The following LCORL variants were observed in gnomAD, a reference collection of about 807,000 sequenced individuals.
LCORL encodes the protein ligand-dependent nuclear receptor corepressor-like protein.
Under a neutral mutation model 141.8 loss-of-function variants are expected in LCORL, and 41 were observed. The ratio of observed to expected loss-of-function variants is 0.29; its 90% CI spans 0.23 to 0.38. The LOEUF (loss-of-function observed/expected upper bound fraction) is 0.38. Ranked by LOEUF, LCORL falls within the 10% of genes least tolerant of loss-of-function variation. The probability of loss-of-function intolerance (pLI) is 1.00; values close to 1 mark genes in which losing one functional copy is unlikely to be tolerated. For synonymous variants in LCORL, 618 were observed against 694.1 expected (o/e 0.89, Z 1.72); for missense variants, 1,759 against 2,035.0 (o/e 0.86, Z 2.61).
intron 5 of LCORL, among the ~76,000 whole-genome samples, chr4:17,899,849 A>G (rs961250926): frequency 2.0e-5 from 3 of 152,196 alleles, no homozygotes; most frequent in Admixed American, 2.0e-4. Flanking sequence ...TTAAAATATT[A>G]TATAAAATTA....
chr4:17,931,858 T>C (rs1310134790), intron 4 of LCORL, among the ~76,000 whole-genome samples: 2 of 152,176 alleles, frequency 1.3e-5, no homozygotes, highest in Non-Finnish European at 2.9e-5. Flanking sequence ...CCTTACTTAC[T>C]TTAGATTCAC....
Position 17,884,869 on chromosome 4 carries a change from T to C in LCORL, c.776+1199A>G. On this transcript the variant is annotated intron_variant, in intron 6 of 7. Coordinates refer to ENST00000635767, the Ensembl canonical transcript of LCORL. This position sits in a 1 kb window ranked among gnomAD's most constrained non-coding sequence, Gnocchi z 4.4. Reference sequence around the variant, plus strand: ...CTTGCTTAGGTAACATCACTGCTTATGACACTTTTAAGTCTGTGAGATGTA... The same window carrying C: ...CTTGCTTAGGTAACATCACTGCTTACGACACTTTTAAGTCTGTGAGATGTA... 1 of 505,614 alleles carries C rather than the reference T, an allele frequency of 2.0e-6. No homozygotes were observed. The highest frequency in any genetic ancestry group is 3.4e-6 in the Non-Finnish European group (1 of 292,456). The allele number at this position is 505,614 out of a possible 1,614,324, so 31.3% of individuals were successfully genotyped here. A position where few individuals can be genotyped will look rare whatever the true frequency, so the allele number is the denominator to read the frequency against.
At position 17,986,107 on chromosome 4, in the gene LCORL, T is replaced by C. The variant is rs1464229868; in HGVS notation, c.155-13222A>G. ...TAAGCTCCGAATCTCTTCTGGCTTGTAGGGTTTCTGCTGAGAGGTCTGCTA... is the reference window on the plus strand; with the variant it reads ...TAAGCTCCGAATCTCTTCTGGCTTGCAGGGTTTCTGCTGAGAGGTCTGCTA... On this transcript the variant is annotated intron_variant, in intron 1 of 7. Coordinates refer to ENST00000635767, the Ensembl canonical transcript of LCORL. Among the ~76,000 whole-genome samples the C allele has an allele frequency of 2.6e-5, 4 of 152,232 alleles. No individual in the cohort carries two copies. The East Asian group carries it at 7.7e-4, about 29-fold the overall frequency.
chr4:17,852,328 G>C (rs540902419), intron 7 of LCORL, among the ~76,000 whole-genome samples: 2 of 151,844 alleles, frequency 1.3e-5, no homozygotes, highest in South Asian at 4.2e-4. Context: ...CTCAATTTCT[G>C]ACAATAATCA....
chr4:17,931,575 A>C (rs924416964), intron 4 of LCORL, among the ~76,000 whole-genome samples: 1 of 151,908 alleles, frequency 6.6e-6, no homozygotes, highest in Non-Finnish European at 1.5e-5. Context: ...TATACACCTA[A>C]AGTTGTTTAA....
chr4:17,944,364 T>C (rs1178154726), intron 4 of LCORL, among the ~76,000 whole-genome samples: 2 of 152,218 alleles, frequency 1.3e-5, no homozygotes, highest in Non-Finnish European at 2.9e-5. Flanking sequence ...AACTGGAATA[T>C]TTATTTCTGT....
chr4:17,889,316 C>A (rs1045093362), intron 5 of LCORL, among the ~76,000 whole-genome samples: 2 of 151,972 alleles, frequency 1.3e-5, no homozygotes, highest in Admixed American at 6.6e-5. Context: ...TTCTTCATAG[C>A]CCTTTCTCCA....
chr4:17,972,831 C>A, exon 2 of LCORL: 1 of 1,430,946 alleles, frequency 7.0e-7, no homozygotes. Flanking sequence ...TTCAAATAAA[C>A]TGAGGTCTCT....
chr4:17,864,066 G>A (rs1224605705), intron 7 of LCORL, among the ~76,000 whole-genome samples: 5 of 152,016 alleles, frequency 3.3e-5, no homozygotes, highest in Non-Finnish European at 2.9e-5. Context: ...TTACCTGGGT[G>A]ATGAAATAAT....
chr4:18,000,861 C>G (rs1201739087), intron 1 of LCORL, among the ~76,000 whole-genome samples: 1 of 152,108 alleles, frequency 6.6e-6, no homozygotes, highest in Non-Finnish European at 1.5e-5. Context: ...ATTTTGTTCA[C>G]TGAGGTGTAA....
At chr4:17,978,370 G>C (rs182550453) in intron 1 of LCORL, among the ~76,000 whole-genome samples, 34 of 152,208 alleles carry the variant, frequency 2.2e-4, no homozygotes, top group Non-Finnish European at 4.0e-4. Flanking sequence ...GTGAGGTTAA[G>C]AAGATCACTT....
rs1263038947 is a variant in LCORL at position 17,962,083 on chromosome 4, A to G, written c.301-51T>C. On this transcript the variant is annotated intron_variant, in intron 3 of 7. Transcript: ENST00000635767. ...TACAGAATTATTTTTTAATTCAAAC[A>G]TGGAATTCCATTAAAAATGACAAAA... 3 of 1,330,040 alleles carry G rather than the reference A, an allele frequency of 2.3e-6. No individual in the cohort carries two copies. In the African/African-American group the frequency reaches 4.5e-5, roughly 20 times the overall value. 82.4% of individuals were successfully genotyped at this position (1,330,040 alleles called of 1,614,324 possible). A position where few individuals can be genotyped will look rare whatever the true frequency, so the allele number is the denominator to read the frequency against.
chr4:17,971,776 T>C (rs1357537176), intron 2 of LCORL, among the ~76,000 whole-genome samples: 1 of 151,682 alleles, frequency 6.6e-6, no homozygotes, highest in African/African-American at 2.4e-5. Flanking sequence ...CTGTATAAAA[T>C]ATAATGATAA....
rs191949983 is a variant in LCORL, at chr4:17,939,959, C to G, written c.430+21944G>C. On this transcript the variant is annotated intron_variant, in intron 4 of 7. Transcript: ENST00000635767. Reference sequence around the variant, plus strand: ...GTACTATATATTCATATACTATATACGCATATACACACTATATGCATGTAC... The same window carrying G: ...GTACTATATATTCATATACTATATAGGCATATACACACTATATGCATGTAC... 1.6e-4 allele frequency among the ~76,000 whole-genome samples: 24 copies of G among 149,450 alleles called. 1 individual carries two copies. The highest frequency in any genetic ancestry group is 3.4e-4 in the Non-Finnish European group (23 of 67,410).
At chr4:17,880,663 T>C (rs1727445468) in intron 6 of LCORL, 1 of 983,568 alleles carries the variant, frequency 1.0e-6, no homozygotes, top group Non-Finnish European at 1.2e-6. Context: ...ACCAACAGTG[T>C]TGTAAATTTA....
intron 1 of LCORL, among the ~76,000 whole-genome samples, chr4:17,973,738 T>C (rs147176636): frequency 1.1e-4 from 16 of 152,084 alleles, no homozygotes; most frequent in African/African-American, 3.9e-4. Context: ...TCCTAAAATG[T>C]AAAACATTAT....
chr4:17,843,303 G>A (rs776574253), exon 8 of LCORL: 1 of 1,611,030 alleles, frequency 6.2e-7, no homozygotes, highest in East Asian at 2.2e-5. Flanking sequence ...TCTATTTAGT[G>A]ATCATGAAGT....
chr4:17,956,007 C>T (rs1712546620), intron 4 of LCORL, among the ~76,000 whole-genome samples: 1 of 152,056 alleles, frequency 6.6e-6, no homozygotes, highest in Non-Finnish European at 1.5e-5. Context: ...CCTGAATAGA[C>T]ATTTCGCAAA....
intron 1 of LCORL, among the ~76,000 whole-genome samples, chr4:18,006,694 T>C (rs1231248552): frequency 1.3e-5 from 2 of 152,094 alleles, no homozygotes; most frequent in East Asian, 3.9e-4. Flanking sequence ...TCAGATCTCA[T>C]GAGACTCATT....
Sources: allele counts gnomAD v4.1 joint callset (sites outside exome capture counted in the v4.1 genomes callset), GRCh38; gene constraint gnomAD v4.1.1; non-coding constraint Gnocchi (gnomAD v3.1); transcripts MANE v1.5; gene names NCBI Gene and HGNC (gene_info 2026-07-23, HGNC 2026-07-21).